Variants in ADAMTS17 observed in about 807,000 individuals in gnomAD.
ADAMTS17 encodes A disintegrin and metalloproteinase with thrombospondin motifs 17.
A neutral mutation model predicts 141.5 loss-of-function variants in ADAMTS17; 113 were observed. That is an observed-to-expected ratio of 0.80 (90% CI 0.69 to 0.93). The LOEUF is 0.93. Ranked by LOEUF, ADAMTS17 falls within the 40% of genes least tolerant of loss-of-function variation. The probability of loss-of-function intolerance (pLI) is 0.00; values close to 1 mark genes in which losing one functional copy is unlikely to be tolerated. For synonymous variants in ADAMTS17, 768 were observed against 630.6 expected, an observed-to-expected ratio of 1.22 and a Z score of -3.27; for missense variants, 1,659 against 1,517.9, an observed-to-expected ratio of 1.09 and a Z score of -1.54.
intron 7 of ADAMTS17, among the ~76,000 whole-genome samples, chr15:100,235,671 A>G (rs1286870470): frequency 1.3e-5 from 2 of 152,252 alleles, no homozygotes; most frequent in African/African-American, 4.8e-5. Flanking sequence ...TTTGAGAACC[A>G]TTCGCTTCGG....
chr15:100,125,884 T>A (rs372789977), intron 12 of ADAMTS17, among the ~76,000 whole-genome samples: 24 of 151,674 alleles, frequency 1.6e-4, no homozygotes, highest in African/African-American at 5.6e-4. Context: ...GGACAGTGAA[T>A]AAACCAGCTG....
At chr15:100,162,968 GTA>G (rs34114633) in intron 8 of ADAMTS17, among the ~76,000 whole-genome samples, 15,577 of 133,960 alleles carry the variant, frequency 0.12, 1,194 homozygotes, top group South Asian at 0.21. Flanking sequence ...AACTATATAT[GTA>G]TATATATGTG....
rs1491361858 is a variant in ADAMTS17, at chr15:99,977,400, A to ATATAT, written c.2950-1179_2950-1178insATATA. Among the ~76,000 whole-genome samples the ATATAT allele has an allele frequency of 8.0e-3, 38 of 4,728 alleles. 2 individuals are homozygous for ATATAT. Among genetic ancestry groups the ATATAT allele is most frequent in the African/African-American group, 0.019 (30 of 1,596 alleles). 3.1% of individuals were successfully genotyped at this position (4,728 alleles called of 152,430 possible). A position where few individuals can be genotyped will look rare whatever the true frequency, so the allele number is the denominator to read the frequency against. On this transcript the variant is annotated intron_variant, in intron 20 of 21. Transcript: ENST00000268070. ...TATATATATATATATATATATATAT[A>ATATAT]ATTTTTTTTTTTTTTTTTTTTTTTT...
At chr15:100,254,006 C>G in intron 7 of ADAMTS17, 130 bp downstream of exon 7, 1 of 883,852 alleles carries the variant, frequency 1.1e-6, no homozygotes, top group Non-Finnish European at 1.9e-6. Context: ...CAAAGACCAA[C>G]TTACAGGAAG....
At chr15:100,224,937 T>C (rs1358101298) in intron 7 of ADAMTS17, among the ~76,000 whole-genome samples, 1 of 152,194 alleles carries the variant, frequency 6.6e-6, no homozygotes, top group African/African-American at 2.4e-5. Context: ...ACCACCTGCA[T>C]TCCATCTGGA....
At chr15:100,183,269 G>A (rs1053685239) in intron 8 of ADAMTS17, among the ~76,000 whole-genome samples, 51 of 152,160 alleles carry the variant, frequency 3.4e-4, no homozygotes, top group Non-Finnish European at 3.2e-4. Context: ...GGGATTACAG[G>A]TGTGAACCAC....
At chr15:100,078,770 G>C (rs1331766998) in intron 15 of ADAMTS17, among the ~76,000 whole-genome samples, 12 of 152,174 alleles carry the variant, frequency 7.9e-5, no homozygotes, top group Admixed American at 7.9e-4. Context: ...CATCAAGAGA[G>C]TGAAAAGCCA....
In ADAMTS17 at chr15:100,147,797, A is replaced by G. The variant is rs572923625; in HGVS notation, c.1473+4815T>C. Among the ~76,000 whole-genome samples, 228 of 152,364 alleles carry G rather than the reference A, an allele frequency of 1.5e-3. 6 individuals are homozygous for G. The highest frequency in any genetic ancestry group is 5.3e-3 in the African/African-American group (220 of 41,588). On this transcript the variant is annotated intron_variant, in intron 10 of 21. Coordinates refer to ENST00000268070, the MANE Select transcript of ADAMTS17 (RefSeq NM_139057.4). ...TAGTTTCCTATGGCAAATCTGTATT[A>G]GTTTCCTATTGCTGCTACTACAAAC...
intron 2 of ADAMTS17, among the ~76,000 whole-genome samples, chr15:100,337,166 A>C (rs1361112564): frequency 6.6e-6 from 1 of 152,184 alleles, no homozygotes; most frequent in Non-Finnish European, 1.5e-5. Flanking sequence ...AAGCCACCGC[A>C]CCTGGCTGCC....
At chr15:100,033,801 C>G (rs2030428660) in intron 18 of ADAMTS17, among the ~76,000 whole-genome samples, 2 of 152,186 alleles carry the variant, frequency 1.3e-5, no homozygotes. Context: ...ACTCCACATT[C>G]TTTCTATATT....
At chr15:100,108,203 G>C (rs1334230870) in intron 14 of ADAMTS17, among the ~76,000 whole-genome samples, 5 of 151,262 alleles carry the variant, frequency 3.3e-5, no homozygotes, top group East Asian at 2.0e-4. Context: ...ACGGAGTCTT[G>C]CTTTGTTGCC....
intron 12 of ADAMTS17, among the ~76,000 whole-genome samples, chr15:100,126,903 C>T (rs74039607): frequency 0.019 from 2,881 of 152,294 alleles, 98 homozygotes; most frequent in African/African-American, 0.064. Context: ...TGAGCAAATA[C>T]ATAACAACAA....
intron 15 of ADAMTS17, among the ~76,000 whole-genome samples, chr15:100,083,916 C>T (rs747972190): frequency 3.3e-5 from 5 of 151,804 alleles, no homozygotes; most frequent in South Asian, 2.1e-4. Flanking sequence ...CCAGTGTGAG[C>T]GATGAAGAAG....
At chr15:100,127,878 G>C (rs577839995) in intron 12 of ADAMTS17, among the ~76,000 whole-genome samples, 1 of 146,648 alleles carries the variant, frequency 6.8e-6, no homozygotes, top group Non-Finnish European at 1.5e-5. Flanking sequence ...CACTGGGCTC[G>C]GCCCCCTGAT....
At chr15:100,211,143 A>AAATAAAT (rs2041794951) in intron 7 of ADAMTS17, among the ~76,000 whole-genome samples, 3 of 101,276 alleles carry the variant, frequency 3.0e-5, no homozygotes, top group Non-Finnish European at 5.0e-5. Flanking sequence ...AATAAATAAA[A>AAATAAAT]ATACAAAAAT....
At chr15:100,286,239 T>C (rs1165514920) in intron 3 of ADAMTS17, among the ~76,000 whole-genome samples, 1 of 152,190 alleles carries the variant, frequency 6.6e-6, no homozygotes, top group Non-Finnish European at 1.5e-5. Flanking sequence ...TGAATGTGCA[T>C]GTGCACCCTG....
chr15:100,100,928 G>A lies in ADAMTS17; in HGVS notation c.2017-4452C>T, dbSNP rs1251652536. On this transcript the variant is annotated intron_variant, in intron 14 of 21. Transcript: ENST00000268070. ...ATCCAACCCCCTCCAGCCCACTCTT[G>A]TAAGCCCTCCCCCGGAATGACCCCT... Among the ~76,000 whole-genome samples the A allele has an allele frequency of 2.0e-5, 3 of 147,460 alleles. No individual in the cohort carries two copies. In the East Asian group the frequency reaches 6.0e-4, roughly 29 times the overall value.
At chr15:100,098,273 T>G (rs900112072) in intron 14 of ADAMTS17, among the ~76,000 whole-genome samples, 2 of 151,404 alleles carry the variant, frequency 1.3e-5, no homozygotes, top group African/African-American at 4.9e-5. Context: ...TGAGGCACCG[T>G]GAGCCTGGAG....
chr15:100,339,615 C>CGCCCCAGGTCCACATTCCCT (rs2046305452), intron 2 of ADAMTS17, among the ~76,000 whole-genome samples: 1 of 108,284 alleles, frequency 9.2e-6, no homozygotes, highest in African/African-American at 3.9e-5. Flanking sequence ...CCACATTCCC[C>CGCCCCAGGTCCACATTCCCT]GCCCCAGGTC....
Sources: allele counts gnomAD v4.1 joint callset (sites outside exome capture counted in the v4.1 genomes callset), GRCh38; gene constraint gnomAD v4.1.1; transcripts MANE v1.5; gene names NCBI Gene and HGNC (gene_info 2026-07-23, HGNC 2026-07-21).